PCK2: variants seen among roughly 807,000 people sequenced by gnomAD.
PCK2 encodes phosphoenolpyruvate carboxykinase 2, mitochondrial.
A neutral mutation model predicts 65.9 loss-of-function variants in PCK2; 56 were observed. That is an observed-to-expected ratio of 0.85 (90% CI 0.69 to 1.06). PCK2 has a LOEUF of 1.06. PCK2 is among the 50% of genes least tolerant of loss of function. The probability of loss-of-function intolerance (pLI) is 0.00; values close to 1 mark genes in which losing one functional copy is unlikely to be tolerated. For missense variants in PCK2, 843 were observed against 863.1 expected (o/e 0.98, Z 0.29); for synonymous variants, 305 against 319.6 (o/e 0.95, Z 0.49).
chr14:24,101,758 A>G (rs888402684), intron 7 of PCK2, among the ~76,000 whole-genome samples: 3 of 152,110 alleles, frequency 2.0e-5, no homozygotes, highest in African/African-American at 7.2e-5. Flanking sequence ...CCCGTCTCCA[A>G]TAAAATACAA....
At position 24,094,923 on chromosome 14, in the gene PCK2, C is replaced by T. The variant is rs893764125; in HGVS notation, c.29+489C>T. On this transcript the variant is annotated intron_variant, in intron 1 of 9. Transcript: ENST00000216780. This position sits in a 1 kb window ranked among gnomAD's most constrained non-coding sequence, Gnocchi z 4.1. Reference sequence around the variant, plus strand: ...TTAAATATCCATTCCCGGCCTCTCCCGGACTGGAAGGACTGGAACCTGGCG... The same window carrying T: ...TTAAATATCCATTCCCGGCCTCTCCTGGACTGGAAGGACTGGAACCTGGCG... 48 of 1,128,798 alleles carry T rather than the reference C, an allele frequency of 4.3e-5. No homozygotes were observed. The highest frequency in any genetic ancestry group is 5.0e-5 in the Non-Finnish European group (42 of 846,874). 69.9% of individuals were successfully genotyped at this position (1,128,798 alleles called of 1,614,324 possible). A position where few individuals can be genotyped will look rare whatever the true frequency, so the allele number is the denominator to read the frequency against.
At chr14:24,095,988 C>T (rs1407099556) in intron 1 of PCK2, among the ~76,000 whole-genome samples, 1 of 152,200 alleles carries the variant, frequency 6.6e-6, no homozygotes, top group African/African-American at 2.4e-5. Flanking sequence ...ATTCTCTGTG[C>T]AAGAGCCCTC....
Position 24,097,103 on chromosome 14 carries a change from G to A in PCK2, c.241G>A (p.Gly81Ser), listed in dbSNP as rs1489804962. ...TATLTLLEQQ[G>S]LIRKLPKYNN... is the part of the protein sequence containing the mutation. ...CACACTGACCCTGCTGGAGCAGCAG[G>A]GCCTCATCCGAAAGCTCCCCAAGTA... Residue 81 changes from glycine to serine, a missense_variant, in exon 2 of 10, where the codon GGC (glycine) becomes AGC (serine). Transcript: ENST00000216780. 6.2e-7 allele frequency: 1 copy of A among 1,613,820 alleles called. No individual in the cohort carries two copies. The highest frequency in any genetic ancestry group is 1.7e-5 in the Admixed American group (1 of 59,978).
At chr14:24,095,135 C>T (rs1323731076) in intron 1 of PCK2, 1 of 456,042 alleles carries the variant, frequency 2.2e-6, no homozygotes, top group African/African-American at 2.0e-5. Context: ...TGAGGCCTCT[C>T]TTCTCAGCTT....
Position 24,102,790 on chromosome 14 carries a change from T to C in PCK2, c.1272T>C (p.Phe424=). ...KEPCAHPNSR[F]CAPARQCPIM... is the part of the protein sequence containing the mutation. ...CCTGTGCACATCCCAACTCTCGATT[T>C]TGTGCCCCGGCTCGCCAGTGCCCCA... Residue 424 remains phenylalanine, a synonymous_variant, in exon 8 of 10, where the codon TTT becomes TTC. Transcript: ENST00000216780. 6.2e-7 allele frequency: 1 copy of C among 1,614,004 alleles called. No individual in the cohort carries two copies. The highest frequency in any genetic ancestry group is 8.5e-7 in the Non-Finnish European group (1 of 1,179,874).
rs754703826 is a variant in PCK2 at position 24,099,189 on chromosome 14, G to A, written c.805G>A (p.Ala269Thr). Reference sequence around the variant, plus strand: ...CAAGAAGTGCTTTGCCCTACGCATCGCCTCTCGGCTGGCCCGGGATGAGGG... The same window carrying A: ...CAAGAAGTGCTTTGCCCTACGCATCACCTCTCGGCTGGCCCGGGATGAGGG... ...LGKKCFALRIASRLARDEGWL... is the reference protein window; with the variant it reads ...LGKKCFALRITSRLARDEGWL... The change falls in exon 5 of 10, where the codon GCC becomes ACC. Residue 269 changes from alanine (A) to threonine (T), a missense_variant. Transcript: ENST00000216780. 5.5e-5 allele frequency: 88 copies of A among 1,605,552 alleles called. No individual in the cohort carries two copies. The highest frequency in any genetic ancestry group is 6.7e-5 in the Non-Finnish European group (79 of 1,178,342).
chr14:24,102,977 GC>G, intron 8 of PCK2, 87 bp downstream of exon 8: 1 of 1,396,192 alleles, frequency 7.2e-7, no homozygotes, highest in Non-Finnish European at 1.0e-6. Flanking sequence ...CAGAGCCTCA[GC>G]CTGGATCTCA....
At position 24,094,544 on chromosome 14, in the gene PCK2, G is replaced by A. The variant is rs561035624; in HGVS notation, c.29+110G>A. ...AGCCTCCGCCAGGTTTCCCATCCTA[G>A]GCGGAGGCGGGCAGGGGCGACTGCT... On this transcript the variant is annotated intron_variant, in intron 1 of 9. Transcript: ENST00000216780. The surrounding 1 kb of genome is among the most constrained non-coding windows in gnomAD (Gnocchi z 4.1). 7,002 of 1,441,250 alleles carry A rather than the reference G, an allele frequency of 4.9e-3. 19 individuals are homozygous for A. The highest frequency in any genetic ancestry group is 5.8e-3 in the Non-Finnish European group (6,346 of 1,102,248). 89.3% of individuals were successfully genotyped at this position (1,441,250 alleles called of 1,614,324 possible).
At chr14:24,102,065 A>G (rs2037182217) in intron 7 of PCK2, among the ~76,000 whole-genome samples, 1 of 151,872 alleles carries the variant, frequency 6.6e-6, no homozygotes, top group South Asian at 2.1e-4. Context: ...ATCTCTATTA[A>G]AAATACAAAA....
At chr14:24,094,189 G>A (rs1412368936), upstream of PCK2, 1 of 560,732 alleles carries the variant, frequency 1.8e-6, no homozygotes, top group African/African-American at 2.0e-5. This position sits in a 1 kb window ranked among gnomAD's most constrained non-coding sequence, Gnocchi z 4.1. Context: ...CTGGAGCCTG[G>A]AGCCCCGGGG....
In PCK2 at chr14:24,098,337, C is replaced by T. The variant is rs757661188; in HGVS notation, c.410C>T (p.Pro137Leu). 2 of 1,613,796 alleles carry T rather than the reference C, an allele frequency of 1.2e-6. No homozygotes were observed. Among genetic ancestry groups the T allele is most frequent in the Non-Finnish European group, 1.7e-6 (2 of 1,179,756 alleles). The change falls in exon 3 of 10, where the codon CCA (proline) becomes CTA (leucine). Residue 137 changes from proline to leucine, a missense_variant. Coordinates refer to ENST00000216780, the MANE Select transcript of PCK2 (RefSeq NM_004563.4). Reference protein sequence around the residue: ...ARGQLGNWMSPADFQRAVDER... With the variant: ...ARGQLGNWMSLADFQRAVDER... ...GGGCAGCTGGGCAACTGGATGTCCC[C>T]AGCTGATTTCCAGCGAGCTGTGGAT...
At position 24,100,035 on chromosome 14, in the gene PCK2, G is replaced by A. The variant is rs745536302; in HGVS notation, c.1056G>A (p.Gly352=). ...TCAACCCTGAGAACGGCTTCTTTGG[G>A]GTTGCCCCTGGTACCTCTGCCACCA... The part of the protein sequence containing the change: ...RAINPENGFF[G]VAPGTSATTN... Residue 352 remains glycine, a synonymous_variant, in exon 7 of 10, where the codon GGG becomes GGA. Transcript: ENST00000216780. 2.5e-6 allele frequency: 4 copies of A among 1,613,956 alleles called. No individual in the cohort carries two copies. The South Asian group carries it at 3.3e-5, about 13-fold the overall frequency.
rs539372532 is a variant in PCK2 at position 24,103,747 on chromosome 14, G to C, written c.1706G>C (p.Arg569Pro). The C allele has an allele frequency of 2.5e-6, 4 of 1,614,078 alleles. No homozygotes were observed. In the Admixed American group the frequency reaches 5.0e-5, roughly 20 times the overall value. ...CRRLEGEDSARETPIGLVPKE... is the reference protein window; with the variant it reads ...CRRLEGEDSAPETPIGLVPKE... Reference sequence around the variant, plus strand: ...CGGTTAGAGGGGGAGGACAGTGCCCGAGAGACACCCATTGGGCTGGTGCCA... The same window carrying C: ...CGGTTAGAGGGGGAGGACAGTGCCCCAGAGACACCCATTGGGCTGGTGCCA... Residue 569 changes from arginine (R) to proline (P), a missense_variant, in exon 10 of 10, where the codon CGA (arginine) becomes CCA (proline). Physicochemically the swap from Arg to Pro is moderately radical, Grantham distance 103. Transcript: ENST00000216780.
chr14:24,101,020 T>C (rs116938237), intron 7 of PCK2, among the ~76,000 whole-genome samples: 172 of 152,274 alleles, frequency 1.1e-3, no homozygotes, highest in Non-Finnish European at 2.0e-3. Flanking sequence ...GCTGGCCTTG[T>C]AGTCACTGAA....
Position 24,102,897 on chromosome 14 carries a change from A to T in PCK2, c.1372+7A>T. 2 of 1,612,560 alleles carry T rather than the reference A, an allele frequency of 1.2e-6. No homozygotes were observed. The highest frequency in any genetic ancestry group is 1.7e-6 in the Non-Finnish European group (2 of 1,179,386). On this transcript the variant is annotated splice_region_variant and intron_variant, in intron 8 of 9. Coordinates refer to ENST00000216780, the MANE Select transcript of PCK2 (RefSeq NM_004563.4). ...GGTGGCCGCAGACCCAAAGGTAAACAACATATGAGCTCCATGTTCTTGGCA... is the reference window on the plus strand; with the variant it reads ...GGTGGCCGCAGACCCAAAGGTAAACTACATATGAGCTCCATGTTCTTGGCA...
chr14:24,103,040 G>A (rs2037227314), intron 8 of PCK2, 120 bp from the exon 9 acceptor site: 2 of 1,196,918 alleles, frequency 1.7e-6, no homozygotes, highest in South Asian at 2.6e-5. Context: ...GGAGGCAAAG[G>A]GTCTGAAAAT....
Position 24,098,221 on chromosome 14 carries a change from C to A in PCK2, c.294C>A (p.Asp98Glu), listed in dbSNP as rs1174741317. 1.9e-6 allele frequency: 3 copies of A among 1,612,096 alleles called. No homozygotes were observed. Among genetic ancestry groups the A allele is most frequent in the African/African-American group, 2.7e-5 (2 of 74,888 alleles). Residue 98 changes from aspartate (D) to glutamate (E), a missense_variant, in exon 3 of 10, where the codon GAC becomes GAA. Coordinates refer to ENST00000216780, the MANE Select transcript of PCK2 (RefSeq NM_004563.4). ...CCCCCAGCTGGCTGGCCCGCACAGA[C>A]CCCAAGGATGTGGCACGAGTAGAGA... ...KYNNCWLART[D>E]PKDVARVESK... is the part of the protein sequence containing the mutation.
intron 7 of PCK2, among the ~76,000 whole-genome samples, chr14:24,101,897 G>C (rs1228120585): frequency 6.6e-6 from 1 of 152,010 alleles, no homozygotes; most frequent in Non-Finnish European, 1.5e-5. Context: ...CCTGGTGACA[G>C]AGTGAGACTC....
In PCK2 at chr14:24,099,592, G is replaced by C; in HGVS notation, c.887G>C (p.Arg296Pro). 1 of 1,609,848 alleles carries C rather than the reference G, an allele frequency of 6.2e-7. No individual in the cohort carries two copies. The highest frequency in any genetic ancestry group is 8.5e-7 in the Non-Finnish European group (1 of 1,177,624). ...ATCACCAGCCCTGCAGGGAAGAAGCGCTATGTGGCAGCCGCCTTCCCTAGT... is the reference window on the plus strand; with the variant it reads ...ATCACCAGCCCTGCAGGGAAGAAGCCCTATGTGGCAGCCGCCTTCCCTAGT... ...LGITSPAGKK[R>P]YVAAAFPSAC... Residue 296 changes from arginine (R) to proline (P), a missense_variant, in exon 6 of 10, where the codon CGC (arginine) becomes CCC (proline). Arg to Pro is a moderately radical substitution (Grantham distance 103). Transcript: ENST00000216780.
Sources: gnomAD v4.1 joint callset for allele counts (sites outside exome capture counted in the v4.1 genomes callset) on GRCh38, gnomAD v4.1.1 for gene constraint, Gnocchi (gnomAD v3.1) non-coding constraint, MANE v1.5 for transcripts, NCBI Gene and HGNC (gene_info 2026-07-23, HGNC 2026-07-21) for gene names.